The following PCDHGA6 variants were observed in gnomAD, a reference collection of about 807,000 sequenced individuals.
PCDHGA6 encodes the protein protocadherin gamma-A6.
A neutral mutation model predicts 60.6 loss-of-function variants in PCDHGA6; 41 were observed. The ratio of observed to expected loss-of-function variants is 0.68; its 90% CI spans 0.53 to 0.88. The LOEUF is 0.88. PCDHGA6 is among the 40% of genes least tolerant of loss of function. PCDHGA6 has a pLI of 0.00. For missense variants in PCDHGA6, 1,312 were observed against 1,203.0 expected (o/e 1.09, Z -1.34); for synonymous variants, 594 against 524.4 (o/e 1.13, Z -1.81).
intron 1 of PCDHGA6, among the ~76,000 whole-genome samples, chr5:141,445,609 T>A (rs900534761): frequency 1.3e-5 from 2 of 152,220 alleles, no homozygotes; most frequent in African/African-American, 4.8e-5. Flanking sequence ...CAAGGAAGGC[T>A]TTCTTTTTTT....
Position 141,477,376 on chromosome 5 carries a change from G to A in PCDHGA6, c.2425-17431G>A. The A allele has an allele frequency of 6.2e-7, 1 of 1,614,146 alleles. No homozygotes were observed. Among genetic ancestry groups the A allele is most frequent in the Non-Finnish European group, 8.5e-7 (1 of 1,180,026 alleles). ...GTGCAGACCTGGATCGGGAGACTGT[G>A]CCAGAATACAACCTCAGCATCACCG... On this transcript the variant is annotated intron_variant, in intron 1 of 3. Transcript: ENST00000517434. This position sits in a 1 kb window ranked among gnomAD's most constrained non-coding sequence, Gnocchi z 4.9.
chr5:141,450,006 C>CTATTTTT lies in PCDHGA6; in HGVS notation c.2425-44800_2425-44799insATTTTTT, dbSNP rs70988802. On this transcript the variant is annotated intron_variant, in intron 1 of 3. Coordinates refer to ENST00000517434, the MANE Select transcript of PCDHGA6 (RefSeq NM_018919.3). ...CACATTGCATTTAGTTGCCATGTCTCTTTTTTTTTTTTTTTTTTGAGACAG... is the reference window on the plus strand; with the variant it reads ...CACATTGCATTTAGTTGCCATGTCTCTATTTTTTTTTTTTTTTTTTTTTTTGAGACAG... Among the ~76,000 whole-genome samples, 248 of 132,920 alleles carry CTATTTTT rather than the reference C, an allele frequency of 1.9e-3. 8 individuals carry two copies. Among genetic ancestry groups the CTATTTTT allele is most frequent in the African/African-American group, 4.3e-3 (154 of 35,586 alleles). 87.2% of individuals were successfully genotyped at this position (132,920 alleles called of 152,430 possible). A position where few individuals can be genotyped will look rare whatever the true frequency, so the allele number is the denominator to read the frequency against.
chr5:141,399,720 C>A, intron 1 of PCDHGA6: 1 of 1,613,306 alleles, frequency 6.2e-7, no homozygotes, highest in Non-Finnish European at 8.5e-7. Context: ...TACAGGCCCG[C>A]GACCAGGGCT....
At chr5:141,409,876 C>G in intron 1 of PCDHGA6, 1 of 1,612,874 alleles carries the variant, frequency 6.2e-7, no homozygotes, top group East Asian at 2.2e-5. Flanking sequence ...GCAATGACAA[C>G]GCACCGCGGG....
intron 1 of PCDHGA6, among the ~76,000 whole-genome samples, chr5:141,481,063 C>T (rs2154578481): frequency 6.6e-6 from 1 of 151,952 alleles, no homozygotes; most frequent in Middle Eastern, 3.4e-3. Context: ...ACCTCAAAAA[C>T]AAAAAGAAAG....
At position 141,486,714 on chromosome 5, in the gene PCDHGA6, CAG is replaced by C; in HGVS notation, c.2425-8092_2425-8091del. ...TCTTTCATCTCTCTGAACCCCCAGA[CAG>C]GAGCTGTTCATGCTACTCGATCCTT... On this transcript the variant is annotated intron_variant, in intron 1 of 3. Coordinates refer to ENST00000517434, the MANE Select transcript of PCDHGA6 (RefSeq NM_018919.3). This position sits in a 1 kb window ranked among gnomAD's most constrained non-coding sequence, Gnocchi z 5.0. 1 of 1,614,216 alleles carries C rather than the reference CAG, an allele frequency of 6.2e-7. No homozygotes were observed. Among genetic ancestry groups the C allele is most frequent in the Non-Finnish European group, 8.5e-7 (1 of 1,180,034 alleles).
Position 141,477,412 on chromosome 5 carries a change from C to T in PCDHGA6, c.2425-17395C>T. 6 of 1,614,168 alleles carry T rather than the reference C, an allele frequency of 3.7e-6. No individual in the cohort carries two copies. The highest frequency in any genetic ancestry group is 1.1e-5 in the South Asian group (1 of 91,082). On this transcript the variant is annotated intron_variant, in intron 1 of 3. Coordinates refer to ENST00000517434, the MANE Select transcript of PCDHGA6 (RefSeq NM_018919.3). This position sits in a 1 kb window ranked among gnomAD's most constrained non-coding sequence, Gnocchi z 4.9. ...ACCTCAGCATCACCGCCCGAGACGC[C>T]GGAACCCCTTCCCTCTCAGCCCTTA... is the stretch of plus-strand genomic sequence containing the variant.
chr5:141,399,833 C>T (rs1233031581), intron 1 of PCDHGA6: 1 of 1,613,140 alleles, frequency 6.2e-7, no homozygotes, highest in Non-Finnish European at 8.5e-7. Context: ...GACGGCTCTG[C>T]GCTCTTCGAT....
intron 1 of PCDHGA6, chr5:141,378,729 T>A (rs769149282): frequency 6.6e-6 from 1 of 152,216 alleles, no homozygotes; most frequent in East Asian, 1.9e-4. Flanking sequence ...GAACTCTTTA[T>A]TGAAATATTT....
chr5:141,455,859 TATTA>T (rs2098833777), intron 1 of PCDHGA6, among the ~76,000 whole-genome samples: 1 of 143,846 alleles, frequency 7.0e-6, no homozygotes, highest in African/African-American at 2.5e-5. Flanking sequence ...TAATTTCTTT[TATTA>T]TTTATTTATT....
chr5:141,399,830 C>G (rs1304936728), intron 1 of PCDHGA6: 1 of 1,613,192 alleles, frequency 6.2e-7, no homozygotes. Flanking sequence ...CCCGACGGCT[C>G]TGCGCTCTTC....
chr5:141,388,477 C>A (rs371333912), intron 1 of PCDHGA6: 34 of 1,613,702 alleles, frequency 2.1e-5, no homozygotes, highest in Non-Finnish European at 2.9e-5. Flanking sequence ...GTATTGAAGA[C>A]ACCTTTGGAC....
chr5:141,462,418 T>A (rs1187388192), intron 1 of PCDHGA6, among the ~76,000 whole-genome samples: 2 of 152,250 alleles, frequency 1.3e-5, no homozygotes, highest in African/African-American at 2.4e-5. Context: ...ATATGGTCTA[T>A]CTTGGTGAGT....
At chr5:141,507,171 C>T (rs183042063) in intron 3 of PCDHGA6, 3 of 152,462 alleles carry the variant, frequency 2.0e-5, no homozygotes, top group South Asian at 2.1e-4. Context: ...AGGCTGTCCT[C>T]TTCCTCGAGC....
chr5:141,421,924 G>A, intron 1 of PCDHGA6: 1 of 1,613,564 alleles, frequency 6.2e-7, no homozygotes, highest in South Asian at 1.1e-5. Context: ...TCGTGTGGTG[G>A]TCCTCGATGT....
chr5:141,375,529 C>A lies in PCDHGA6; in HGVS notation c.1446C>A (p.Asp482Glu), dbSNP rs370346410. 3 of 1,614,026 alleles carry A rather than the reference C, an allele frequency of 1.9e-6. No homozygotes were observed. Among genetic ancestry groups the A allele is most frequent in the African/African-American group, 1.3e-5 (1 of 75,052 alleles). The change falls in exon 1 of 4, where the codon GAC (aspartate) becomes GAA (glutamate). Residue 482 changes from aspartate (D) to glutamate (E), a missense_variant. Physicochemically the swap from Asp to Glu is conservative, Grantham distance 45. Transcript: ENST00000517434. ...FSVNALDPDV[D>E]QNAQVSYSLA... ...TGAATGCACTGGACCCTGACGTGGA[C>A]CAGAACGCCCAAGTCTCCTACTCAC...
intron 1 of PCDHGA6, among the ~76,000 whole-genome samples, chr5:141,466,748 G>A (rs562859284): frequency 6.6e-6 from 1 of 152,238 alleles, no homozygotes; most frequent in South Asian, 2.1e-4. Context: ...TACTCTGATA[G>A]GGGCTCTTTT....
intron 1 of PCDHGA6, among the ~76,000 whole-genome samples, chr5:141,494,529 G>C (rs952931724): frequency 1.3e-5 from 2 of 152,132 alleles, no homozygotes; most frequent in African/African-American, 4.8e-5. Flanking sequence ...TCTGACTCTG[G>C]GGGCAGGGAG....
intron 1 of PCDHGA6, chr5:141,442,378 GGT>G (rs2098320015): frequency 6.6e-6 from 1 of 152,334 alleles, no homozygotes; most frequent in Middle Eastern, 3.4e-3. Context: ...ATTCCTACCA[GGT>G]GTGTGCTTCT....
Sources: gnomAD v4.1 joint callset for allele counts (sites outside exome capture counted in the v4.1 genomes callset) on GRCh38, gnomAD v4.1.1 for gene constraint, Gnocchi (gnomAD v3.1) non-coding constraint, MANE v1.5 for transcripts, NCBI Gene and HGNC (gene_info 2026-07-23, HGNC 2026-07-21) for gene names.